The following SORCS3 variants were observed in gnomAD, a reference collection of about 807,000 sequenced individuals.
The protein encoded by SORCS3 is VPS10 domain-containing receptor SorCS3.
Under a neutral mutation model 146.3 loss-of-function variants are expected in SORCS3, and 57 were observed. That is an observed-to-expected ratio of 0.39 (90% CI 0.31 to 0.49). The LOEUF (loss-of-function observed/expected upper bound fraction) is 0.49, where lower values mean the gene tolerates loss of function less well. SORCS3 is among the 20% of genes least tolerant of loss of function. The pLI is 0.92. For synonymous variants in SORCS3, 653 were observed against 618.5 expected, an observed-to-expected ratio of 1.06 and a Z score of -0.83; for missense variants, 1,341 against 1,575.5, an observed-to-expected ratio of 0.85 and a Z score of 2.52.
At chr10:105,053,129 G>A (rs1031613805) in intron 5 of SORCS3, among the ~76,000 whole-genome samples, 1 of 152,004 alleles carries the variant, frequency 6.6e-6, no homozygotes, top group Admixed American at 6.6e-5. Flanking sequence ...GCACTTTCTT[G>A]TAAGGGCACT....
intron 20 of SORCS3, among the ~76,000 whole-genome samples, chr10:105,243,083 A>G (rs2095098863): frequency 7.1e-6 from 1 of 140,238 alleles, no homozygotes; most frequent in African/African-American, 2.6e-5. Flanking sequence ...ATATATATAT[A>G]TTTAGCCATT....
intron 4 of SORCS3, among the ~76,000 whole-genome samples, chr10:105,021,614 C>T (rs1221821000): frequency 2.6e-5 from 4 of 151,990 alleles, no homozygotes; most frequent in Non-Finnish European, 5.9e-5. Context: ...AATAATGTTC[C>T]CTGAGATGGG....
chr10:105,111,980 G>T (rs2055861966), intron 7 of SORCS3, among the ~76,000 whole-genome samples: 1 of 152,078 alleles, frequency 6.6e-6, no homozygotes, highest in Admixed American at 6.6e-5. Flanking sequence ...GGAGTGGAGT[G>T]GTAGAAAAAG....
At chr10:104,940,238 A>ATATATATATATATTT (rs1435205868) in intron 3 of SORCS3, among the ~76,000 whole-genome samples, 38 of 31,478 alleles carry the variant, frequency 1.2e-3, no homozygotes, top group East Asian at 2.1e-3. Flanking sequence ...ATATATATAT[A>ATATATATATATATTT]TTTTTTTTTT....
At chr10:104,883,797 T>TG (rs533542317) in intron 2 of SORCS3, among the ~76,000 whole-genome samples, 13 of 152,120 alleles carry the variant, frequency 8.5e-5, no homozygotes, top group Non-Finnish European at 1.6e-4. Context: ...CTAAGGAGGC[T>TG]GGGAGGTAGG....
intron 7 of SORCS3, among the ~76,000 whole-genome samples, chr10:105,106,423 T>C (rs550094566): frequency 2.0e-5 from 3 of 152,320 alleles, no homozygotes; most frequent in African/African-American, 7.2e-5. Context: ...CTCCATCCTC[T>C]GAACCCTTGC....
chr10:104,882,035 C>T (rs1191171810), intron 2 of SORCS3, among the ~76,000 whole-genome samples: 5 of 152,172 alleles, frequency 3.3e-5, no homozygotes, highest in South Asian at 2.1e-4. Context: ...ATGAGCTGCT[C>T]AGTGGATGCA....
chr10:104,819,668 C>T (rs2017850239), intron 1 of SORCS3, among the ~76,000 whole-genome samples: 1 of 152,184 alleles, frequency 6.6e-6, no homozygotes, highest in South Asian at 2.1e-4. Flanking sequence ...TTCCCTTTCC[C>T]CAGATCTACC....
intron 4 of SORCS3, among the ~76,000 whole-genome samples, chr10:104,985,475 ATCAACTTCTT>A (rs1464420428): frequency 6.6e-6 from 1 of 152,136 alleles, no homozygotes; most frequent in Non-Finnish European, 1.5e-5. Flanking sequence ...GAGAGTTGGA[ATCAACTTCTT>A]TCAAGCTCCT....
At chr10:105,001,125 G>A (rs1330508496) in intron 4 of SORCS3, among the ~76,000 whole-genome samples, 3 of 152,184 alleles carry the variant, frequency 2.0e-5, no homozygotes, top group Non-Finnish European at 4.4e-5. Context: ...GACTAACCAT[G>A]TAAGGTAGGT....
intron 3 of SORCS3, among the ~76,000 whole-genome samples, chr10:104,940,712 A>G (rs2019312336): frequency 6.6e-6 from 1 of 151,906 alleles, no homozygotes. Context: ...ATACGTGTGC[A>G]TGTGTCTTTT....
At chr10:104,815,860 A>G (rs936886820) in intron 1 of SORCS3, among the ~76,000 whole-genome samples, 4 of 152,116 alleles carry the variant, frequency 2.6e-5, no homozygotes, top group Admixed American at 1.3e-4. Context: ...TAACTTCTGT[A>G]TATTCATACG....
chr10:104,977,618 T>G, intron 4 of SORCS3, 125 bp downstream of exon 4: 1 of 880,228 alleles, frequency 1.1e-6, no homozygotes, highest in Admixed American at 3.4e-5. Flanking sequence ...CCCAAATCAT[T>G]TCATCATTGA....
intron 3 of SORCS3, among the ~76,000 whole-genome samples, chr10:104,924,317 G>A (rs1283218809): frequency 6.6e-6 from 1 of 152,172 alleles, no homozygotes; most frequent in Non-Finnish European, 1.5e-5. Flanking sequence ...AGCCCATAAG[G>A]CTGGTGACAG....
chr10:105,237,280 TTC>T (rs371362480), intron 20 of SORCS3, among the ~76,000 whole-genome samples: 29 of 152,262 alleles, frequency 1.9e-4, no homozygotes, highest in African/African-American at 7.0e-4. Context: ...ACCATTTAAT[TTC>T]TTTGAGTCTC....
chr10:105,064,474 C>A (rs1199563972), intron 5 of SORCS3, among the ~76,000 whole-genome samples: 1 of 152,166 alleles, frequency 6.6e-6, no homozygotes, highest in African/African-American at 2.4e-5. Context: ...CCCAATAGGT[C>A]TTCTGTAAGC....
chr10:105,004,320 G>A (rs1028983303), intron 4 of SORCS3, among the ~76,000 whole-genome samples: 11 of 152,182 alleles, frequency 7.2e-5, no homozygotes, highest in African/African-American at 2.4e-4. Context: ...GACTCTCTAC[G>A]GAGGGATGTG....
intron 14 of SORCS3, among the ~76,000 whole-genome samples, chr10:105,178,390 A>G (rs554615369): frequency 6.6e-6 from 1 of 152,324 alleles, no homozygotes; most frequent in East Asian, 1.9e-4. Flanking sequence ...TTGAACAGTC[A>G]AGGTTTCTAA....
intron 1 of SORCS3, among the ~76,000 whole-genome samples, chr10:104,685,988 G>A (rs750450662): frequency 2.6e-5 from 4 of 152,304 alleles, no homozygotes; most frequent in Non-Finnish European, 4.4e-5. Context: ...CCTTTTGTCT[G>A]TGCCTTACTG....
Sources: allele counts gnomAD v4.1 joint callset (sites outside exome capture counted in the v4.1 genomes callset), GRCh38; gene constraint gnomAD v4.1.1; transcripts MANE v1.5; gene names NCBI Gene and HGNC (gene_info 2026-07-23, HGNC 2026-07-21).